Variants in SKIC3 observed in about 807,000 individuals in gnomAD.
SKIC3 encodes the protein SKI3 subunit of superkiller complex.
chr5:95,524,496 T>C, the SKIC3 span: 1 of 1,613,516 alleles, frequency 6.2e-7, no homozygotes, highest in Non-Finnish European at 8.5e-7. Flanking sequence ...CTTTGTTTTA[T>C]CTTTTCTTGT....
At chr5:95,530,572 G>A in the SKIC3 span, among the ~76,000 whole-genome samples, 1 of 152,272 alleles carries the variant, frequency 6.6e-6, no homozygotes, top group South Asian at 2.1e-4. Context: ...AAAGCAGAGT[G>A]TCTTCCTCAA....
At chr5:95,480,475 G>C in the SKIC3 span, among the ~76,000 whole-genome samples, 2 of 152,094 alleles carry the variant, frequency 1.3e-5, no homozygotes, top group South Asian at 4.1e-4. Context: ...TTAGATATCA[G>C]GTAAACACAA....
At chr5:95,534,144 T>C in the SKIC3 span, among the ~76,000 whole-genome samples, 67 of 152,114 alleles carry the variant, frequency 4.4e-4, no homozygotes, top group African/African-American at 1.2e-3. Context: ...TACTTATCTT[T>C]GGAACACACT....
chr5:95,479,963 C>T, the SKIC3 span, among the ~76,000 whole-genome samples: 12 of 152,162 alleles, frequency 7.9e-5, no homozygotes, highest in East Asian at 2.3e-3. Context: ...CCCATACATA[C>T]ACAGCTGATT....
At chr5:95,476,275 G>A in the SKIC3 span, among the ~76,000 whole-genome samples, 1 of 152,050 alleles carries the variant, frequency 6.6e-6, no homozygotes, top group African/African-American at 2.4e-5. Context: ...AATGTCCCAT[G>A]GCTCAAGGCT....
the SKIC3 span, among the ~76,000 whole-genome samples, chr5:95,553,824 G>C: frequency 3.9e-4 from 59 of 152,346 alleles, no homozygotes; most frequent in African/African-American, 1.2e-3. Context: ...TTCCCAAAGT[G>C]CTGGGATTAC....
the SKIC3 span, among the ~76,000 whole-genome samples, chr5:95,485,780 C>T: frequency 6.6e-6 from 1 of 152,088 alleles, no homozygotes; most frequent in African/African-American, 2.4e-5. Flanking sequence ...GTGCTCGCCT[C>T]GTCCATGGAA....
the SKIC3 span, among the ~76,000 whole-genome samples, chr5:95,499,396 C>A: frequency 2.0e-5 from 3 of 152,184 alleles, no homozygotes; most frequent in South Asian, 6.2e-4. Flanking sequence ...CACTTCCTGT[C>A]ATGATTGTAA....
the SKIC3 span, chr5:95,468,088 G>A: frequency 6.8e-7 from 1 of 1,480,086 alleles, no homozygotes; most frequent in Non-Finnish European, 9.2e-7. Flanking sequence ...TCATATTTTT[G>A]CAGATGTAGT....
the SKIC3 span, among the ~76,000 whole-genome samples, chr5:95,552,059 C>A: frequency 6.6e-6 from 1 of 152,308 alleles, no homozygotes; most frequent in East Asian, 1.9e-4. Context: ...CCTATACAAA[C>A]GGCCCCTGAC....
At chr5:95,503,859 C>CA in the SKIC3 span, 1 of 1,613,826 alleles carries the variant, frequency 6.2e-7, no homozygotes, top group Non-Finnish European at 8.5e-7. Context: ...AAAGCCAATG[C>CA]AAAACCTATG....
chr5:95,514,738 G>T, the SKIC3 span: 1 of 991,304 alleles, frequency 1.0e-6, no homozygotes, highest in Non-Finnish European at 1.5e-6. Flanking sequence ...TAAGCACAGT[G>T]ACTGGCACAA....
the SKIC3 span, among the ~76,000 whole-genome samples, chr5:95,507,714 A>C: frequency 1.3e-5 from 2 of 152,216 alleles, no homozygotes; most frequent in Non-Finnish European, 2.9e-5. Context: ...AGAGAAGCCT[A>C]AAGACAGTAT....
At chr5:95,478,172 C>T in the SKIC3 span, 2 of 1,214,982 alleles carry the variant, frequency 1.6e-6, no homozygotes, top group East Asian at 5.1e-5. Flanking sequence ...CAAGAAGCCA[C>T]ACTAGAACAC....
the SKIC3 span, among the ~76,000 whole-genome samples, chr5:95,488,727 C>T: frequency 7.9e-5 from 12 of 151,698 alleles, 1 homozygote; most frequent in African/African-American, 2.7e-4. Flanking sequence ...TGAAAACACA[C>T]AAAAGTAAAA....
At chr5:95,467,754 A>T in the SKIC3 span, 2 of 1,458,792 alleles carry the variant, frequency 1.4e-6, no homozygotes, top group South Asian at 2.6e-5. Context: ...TAAAAATTCA[A>T]TCATAAAAGT....
chr5:95,522,437 T>A, the SKIC3 span: 2 of 1,053,884 alleles, frequency 1.9e-6, no homozygotes, highest in Non-Finnish European at 2.6e-6. Flanking sequence ...AAGTGCTATT[T>A]AAAGCAGATA....
the SKIC3 span, chr5:95,497,625 A>C: frequency 1.5e-6 from 1 of 670,158 alleles, no homozygotes; most frequent in Non-Finnish European, 2.6e-6. Context: ...TGTTTGGTTG[A>C]AAGTATTTTT....
At chr5:95,478,449 A>C in the SKIC3 span, 2 of 1,613,818 alleles carry the variant, frequency 1.2e-6, no homozygotes, top group Non-Finnish European at 1.7e-6. Context: ...GCCACTAAGA[A>C]ACAAAAAAGG....
Sources: allele counts gnomAD v4.1 joint callset (sites outside exome capture counted in the v4.1 genomes callset), GRCh38; gene constraint gnomAD v4.1.1; transcripts MANE v1.5; gene names NCBI Gene and HGNC (gene_info 2026-07-23, HGNC 2026-07-21).